The following EYS variants were observed in gnomAD, a reference collection of about 807,000 sequenced individuals.
The protein encoded by EYS is EGF-like photoreceptor maintenance factor.
Under a neutral mutation model 282.1 loss-of-function variants are expected in EYS, and 250 were observed. That is an observed-to-expected ratio of 0.89 (90% CI 0.80 to 0.98). EYS has a LOEUF of 0.98. Among genes scored for constraint, EYS ranks in the 50% least tolerant of loss-of-function variants. The probability of loss-of-function intolerance (pLI) is 0.00; values close to 1 mark genes in which losing one functional copy is unlikely to be tolerated. For synonymous variants in EYS, 1,355 were observed against 1,282.9 expected (o/e 1.06, Z -1.20); for missense variants, 4,016 against 3,709.0 (o/e 1.08, Z -2.15).
At chr6:64,277,115 G>T (rs1202785761) in intron 30 of EYS, among the ~76,000 whole-genome samples, 2 of 152,004 alleles carry the variant, frequency 1.3e-5, no homozygotes, top group Admixed American at 1.3e-4. Context: ...AATTCATCTT[G>T]TCCACAGATA....
At chr6:65,615,386 T>A (rs962502288) in intron 2 of EYS, among the ~76,000 whole-genome samples, 3 of 146,240 alleles carry the variant, frequency 2.1e-5, no homozygotes, top group African/African-American at 7.4e-5. Flanking sequence ...TTTTATTTAT[T>A]TATATATATA....
chr6:65,345,808 GA>G (rs528311078), intron 9 of EYS, among the ~76,000 whole-genome samples: 1 of 150,240 alleles, frequency 6.7e-6, no homozygotes, highest in Admixed American at 6.7e-5. Context: ...GTGAGAAGAT[GA>G]AAAAAAATGA....
chr6:63,760,794 AATCT>A (rs1769619437), intron 41 of EYS, among the ~76,000 whole-genome samples: 2 of 151,844 alleles, frequency 1.3e-5, no homozygotes, highest in African/African-American at 4.8e-5. Context: ...ATTTTGGGTT[AATCT>A]ATCTTTCAAA....
chr6:65,602,026 C>T (rs1765632807), intron 2 of EYS, among the ~76,000 whole-genome samples: 1 of 151,850 alleles, frequency 6.6e-6, no homozygotes, highest in Admixed American at 6.6e-5. Context: ...ATCCAGATAT[C>T]TAATTTCTCA....
intron 28 of EYS, among the ~76,000 whole-genome samples, chr6:64,417,382 T>G (rs1774089848): frequency 6.6e-6 from 1 of 152,170 alleles, no homozygotes; most frequent in African/African-American, 2.4e-5. Context: ...GAATTTGCTT[T>G]TAATTTGCTT....
chr6:63,830,784 A>G (rs1326350175), intron 36 of EYS, among the ~76,000 whole-genome samples: 2 of 152,216 alleles, frequency 1.3e-5, no homozygotes, highest in Non-Finnish European at 2.9e-5. Context: ...CAAAGTCGAA[A>G]TGAAGGGAAA....
At chr6:64,300,706 C>A (rs890817851) in intron 30 of EYS, among the ~76,000 whole-genome samples, 2 of 152,164 alleles carry the variant, frequency 1.3e-5, no homozygotes, top group African/African-American at 4.8e-5. Context: ...TAATTTGCAA[C>A]CTATAGGGCC....
chr6:65,589,210 C>T (rs1765151583), intron 2 of EYS, among the ~76,000 whole-genome samples: 1 of 152,006 alleles, frequency 6.6e-6, no homozygotes, highest in Non-Finnish European at 1.5e-5. Context: ...CTAAGCAGAG[C>T]ATTGTGTGTA....
intron 29 of EYS, among the ~76,000 whole-genome samples, chr6:64,345,091 G>A (rs28750429): frequency 0.031 from 4,728 of 152,152 alleles, 228 homozygotes; most frequent in African/African-American, 0.11. Flanking sequence ...TCATGGGTAG[G>A]AAGACTCAAT....
Position 63,962,720 on chromosome 6 carries a change from A to G in EYS, c.7055+21663T>C, listed in dbSNP as rs145452350. ...GTGTGGTGATTCCTCAGGGATCTAG[A>G]ACTAGAAATACCATTTGACCCAGCC... On this transcript the variant is annotated intron_variant, in intron 35 of 42. Coordinates refer to ENST00000503581, the MANE Select transcript of EYS (RefSeq NM_001142800.2). Among the ~76,000 whole-genome samples the G allele has an allele frequency of 1.7e-3, 260 of 152,304 alleles. 3 individuals are homozygous for G. In the East Asian group the frequency reaches 0.042, roughly 25 times the overall value.
intron 22 of EYS, among the ~76,000 whole-genome samples, chr6:64,753,545 G>A (rs1299761225): frequency 2.0e-5 from 3 of 148,640 alleles, no homozygotes; most frequent in East Asian, 3.9e-4. Flanking sequence ...TAATGATACA[G>A]GGTTCAATTC....
At chr6:65,071,229 C>T (rs1044719990) in intron 12 of EYS, among the ~76,000 whole-genome samples, 2 of 151,586 alleles carry the variant, frequency 1.3e-5, no homozygotes, top group Non-Finnish European at 3.0e-5. Context: ...AAAACAAAAA[C>T]TTATTTTAAA....
intron 22 of EYS, among the ~76,000 whole-genome samples, chr6:64,670,421 A>G (rs1432711398): frequency 1.4e-5 from 2 of 142,212 alleles, no homozygotes; most frequent in Non-Finnish European, 3.1e-5. Flanking sequence ...AAATAAATAA[A>G]TAAATAAATA....
In EYS at chr6:64,884,635, A is replaced by C. The variant is rs1213217250; in HGVS notation, c.2992+2062T>G. Among the ~76,000 whole-genome samples, 4 of 151,538 alleles carry C rather than the reference A, an allele frequency of 2.6e-5. No individual in the cohort carries two copies. In the East Asian group the frequency reaches 5.8e-4, roughly 22 times the overall value. ...CTATTAAGTGTCTGAGAATAAGAAA[A>C]AGCTTTATCTGTCCATGTATGAAAG... On this transcript the variant is annotated intron_variant, in intron 19 of 42. Transcript: ENST00000503581.
intron 41 of EYS, 145 bp downstream of exon 41, chr6:63,762,313 TATA>T: frequency 4.1e-6 from 3 of 728,706 alleles, no homozygotes; most frequent in East Asian, 2.8e-5. Flanking sequence ...ATCTGTGAAG[TATA>T]ATGTCAAATA....
At chr6:65,665,763 G>C (rs1768175802) in intron 1 of EYS, among the ~76,000 whole-genome samples, 1 of 151,966 alleles carries the variant, frequency 6.6e-6, no homozygotes, top group South Asian at 2.1e-4. Context: ...CCTTTTAACT[G>C]AAACAACCAC....
chr6:64,226,386 T>A (rs996577810), intron 31 of EYS, among the ~76,000 whole-genome samples: 3 of 152,182 alleles, frequency 2.0e-5, no homozygotes, highest in African/African-American at 7.2e-5. Context: ...TTGCTGTTAA[T>A]GTACGGCATT....
rs372852661 is a variant in EYS, at chr6:64,963,080, A to G, written c.2260-17166T>C. Among the ~76,000 whole-genome samples the G allele has an allele frequency of 5.3e-5, 8 of 152,120 alleles. No individual in the cohort carries two copies. In the East Asian group the frequency reaches 7.7e-4, roughly 15 times the overall value. ...GCGTGCATGTATTATTCTGAGTGTC[A>G]CTCTACAGACAATGGTTTATCTTTC... On this transcript the variant is annotated intron_variant, in intron 14 of 42. Coordinates refer to ENST00000503581, the MANE Select transcript of EYS (RefSeq NM_001142800.2).
chr6:65,361,044 A>G (rs1764684423), intron 8 of EYS, among the ~76,000 whole-genome samples: 7 of 152,084 alleles, frequency 4.6e-5, no homozygotes, highest in Admixed American at 4.6e-4. Context: ...ACTTTTACCC[A>G]AGGTATTATA....
Sources: gnomAD v4.1 joint callset for allele counts (sites outside exome capture counted in the v4.1 genomes callset) on GRCh38, gnomAD v4.1.1 for gene constraint, MANE v1.5 for transcripts, NCBI Gene and HGNC (gene_info 2026-07-23, HGNC 2026-07-21) for gene names.